Variants in ACAD11 observed in about 807,000 individuals in gnomAD.
ACAD11 encodes acyl-CoA dehydrogenase family member 11.
A neutral mutation model predicts 102.2 loss-of-function variants in ACAD11; 83 were observed. The ratio of observed to expected loss-of-function variants is 0.81; its 90% CI spans 0.68 to 0.97. The LOEUF (loss-of-function observed/expected upper bound fraction) is 0.97. ACAD11 is among the 50% of genes least tolerant of loss of function. ACAD11 has a pLI of 0.00. For synonymous variants in ACAD11, 324 were observed against 319.8 expected, an observed-to-expected ratio of 1.01 and a Z score of -0.14; for missense variants, 901 against 951.7, an observed-to-expected ratio of 0.95 and a Z score of 0.70.
At chr3:132,619,620 T>C (rs952105505) in intron 9 of ACAD11, 75 bp from the exon 10 acceptor site, 5 of 775,490 alleles carry the variant, frequency 6.4e-6, no homozygotes, top group African/African-American at 5.4e-5. Context: ...ACTGCTAATA[T>C]CTAAAATAAA....
chr3:132,631,375 TG>T lies in ACAD11; in HGVS notation c.806del (p.Pro269GlnfsTer2). On this transcript the variant is annotated frameshift_variant, in exon 6 of 20. Transcript: ENST00000264990. LOFTEE classifies it high-confidence loss of function. ...CACTATAAGAACCTTGATTTATCAT[TG>T]GAACTGTCCTTGGCCAAAAGTAGAA... ...SLFYFWPRTV[P>X]MINQGSYSEN... The T allele has an allele frequency of 6.5e-7, 1 of 1,528,740 alleles. No individual in the cohort carries two copies. Among genetic ancestry groups the T allele is most frequent in the Non-Finnish European group, 8.8e-7 (1 of 1,134,998 alleles). 94.7% of individuals were successfully genotyped at this position (1,528,740 alleles called of 1,614,324 possible).
chr3:132,618,476 C>T, intron 11 of ACAD11, 158 bp downstream of exon 11: 1 of 669,442 alleles, frequency 1.5e-6, no homozygotes, highest in Non-Finnish European at 2.3e-6. Flanking sequence ...AATTTCAAAT[C>T]CATTTCTTAT....
At chr3:132,616,503 C>T (rs1344041859) in intron 11 of ACAD11, among the ~76,000 whole-genome samples, 1 of 152,172 alleles carries the variant, frequency 6.6e-6, no homozygotes, top group Non-Finnish European at 1.5e-5. Context: ...AGATTAGACT[C>T]AGTGGAAAAT....
At chr3:132,565,577 C>CA (rs1419855980) in intron 17 of ACAD11, among the ~76,000 whole-genome samples, 2 of 152,080 alleles carry the variant, frequency 1.3e-5, no homozygotes, top group Non-Finnish European at 2.9e-5. Flanking sequence ...AAACCTGGAA[C>CA]AATTCAAAAT....
At chr3:132,621,561 A>C (rs574880797) in intron 9 of ACAD11, among the ~76,000 whole-genome samples, 5 of 152,334 alleles carry the variant, frequency 3.3e-5, no homozygotes, top group Admixed American at 3.3e-4. Flanking sequence ...ACAACAAAAA[A>C]GATAAACAAA....
intron 11 of ACAD11, among the ~76,000 whole-genome samples, chr3:132,614,561 ACAAG>A (rs1245149993): frequency 6.6e-6 from 1 of 152,234 alleles, no homozygotes. Flanking sequence ...CCTGACACAA[ACAAG>A]CAATGTGGGA....
intron 13 of ACAD11, among the ~76,000 whole-genome samples, chr3:132,589,478 A>G (rs546943281): frequency 1.4e-4 from 22 of 152,314 alleles, no homozygotes; most frequent in Non-Finnish European, 3.1e-4. Flanking sequence ...CAGAGCGTTC[A>G]CTTCTAATTT....
chr3:132,616,380 T>C (rs1939410399), intron 11 of ACAD11, among the ~76,000 whole-genome samples: 1 of 152,272 alleles, frequency 6.6e-6, no homozygotes, highest in African/African-American at 2.4e-5. Context: ...GCAAGAGAAG[T>C]CTTTGGTAGG....
intron 13 of ACAD11, among the ~76,000 whole-genome samples, chr3:132,591,450 G>C (rs1327284730): frequency 1.3e-5 from 2 of 152,116 alleles, no homozygotes; most frequent in African/African-American, 4.8e-5. Flanking sequence ...TTTCACTGAT[G>C]CTAGCTATCC....
chr3:132,581,312 C>G (rs1416736298), intron 13 of ACAD11, among the ~76,000 whole-genome samples: 1 of 151,922 alleles, frequency 6.6e-6, no homozygotes, highest in Non-Finnish European at 1.5e-5. Flanking sequence ...TGTAAGATCT[C>G]AGAGAATTTA....
chr3:132,659,622 G>T lies in ACAD11; in HGVS notation c.130C>A (p.Leu44Met), dbSNP rs1407420538. ...CCATACCTGTACTGGGCAATGGTCA[G>T]CGTAGCCTCACGTTCGGCCCCAAAG... ...SGFGAEREAT[L>M]TIAQYRAGKS... is the part of the protein sequence containing the mutation. Residue 44 changes from leucine (L) to methionine (M), a missense_variant, in exon 1 of 20, where the codon CTG (leucine) becomes ATG (methionine). By Grantham distance (15) the Leu-to-Met change is conservative. Transcript: ENST00000264990. 6.2e-7 allele frequency: 1 copy of T among 1,610,228 alleles called. No individual in the cohort carries two copies. Among genetic ancestry groups the T allele is most frequent in the African/African-American group, 1.3e-5 (1 of 74,642 alleles).
At position 132,575,888 on chromosome 3, in the gene ACAD11, C is replaced by T; in HGVS notation, c.1885G>A (p.Gly629Arg). The change falls in exon 17 of 20, where the codon GGA becomes AGA. Residue 629 changes from glycine (G) to arginine (R), a missense_variant. Gly to Arg is a moderately radical substitution (Grantham distance 125). Transcript: ENST00000264990. ...ATACAGTGGTGGATTCTGCCAGGTCCAAGGCGGCCTTGGGAAATTTCAAAT... is the reference window on the plus strand; with the variant it reads ...ATACAGTGGTGGATTCTGCCAGGTCTAAGGCGGCCTTGGGAAATTTCAAAT... Reference protein sequence around the residue: ...RGFEISQGRLGPGRIHHCMRT... With the variant: ...RGFEISQGRLRPGRIHHCMRT... 2 of 1,613,976 alleles carry T rather than the reference C, an allele frequency of 1.2e-6. No individual in the cohort carries two copies. Among genetic ancestry groups the T allele is most frequent in the Non-Finnish European group, 1.7e-6 (2 of 1,179,960 alleles).
chr3:132,636,773 T>C (rs1184567727), intron 5 of ACAD11, among the ~76,000 whole-genome samples: 1 of 152,168 alleles, frequency 6.6e-6, no homozygotes, highest in African/African-American at 2.4e-5. Context: ...ACAGGTGATA[T>C]TGTGTAGCGG....
chr3:132,631,024 T>C (rs112586964), intron 6 of ACAD11, among the ~76,000 whole-genome samples: 2 of 152,284 alleles, frequency 1.3e-5, no homozygotes, highest in Admixed American at 6.5e-5. Context: ...TGAGCTATGA[T>C]TGTGGCACTG....
intron 17 of ACAD11, among the ~76,000 whole-genome samples, chr3:132,564,958 C>G (rs1937168520): frequency 6.6e-6 from 1 of 152,136 alleles, no homozygotes; most frequent in African/African-American, 2.4e-5. Context: ...GCTGAAGAAT[C>G]TAGTAACCTG....
chr3:132,620,129 G>A (rs758274109), intron 9 of ACAD11, among the ~76,000 whole-genome samples: 2 of 152,126 alleles, frequency 1.3e-5, no homozygotes, highest in Non-Finnish European at 2.9e-5. Flanking sequence ...CTGCTTGATG[G>A]GTAAAACCTA....
Position 132,562,404 on chromosome 3 carries a change from C to G in ACAD11, c.2002-1187G>C, listed in dbSNP as rs117632729. 2.3e-3 allele frequency among the ~76,000 whole-genome samples: 347 copies of G among 152,278 alleles called. 6 individuals carry two copies. The East Asian group carries it at 0.024, about 10-fold the overall frequency. ...AGGCGTGAGCCATCGCGAGATTATT[C>G]ATAGAGTTTCTGTGTATTTGTATAC... On this transcript the variant is annotated intron_variant, in intron 17 of 19. Coordinates refer to ENST00000264990, the MANE Select transcript of ACAD11 (RefSeq NM_032169.5).
Position 132,626,614 on chromosome 3 carries a change from C to T in ACAD11, c.1197+77G>A. 5 of 1,534,752 alleles carry T rather than the reference C, an allele frequency of 3.3e-6. No individual in the cohort carries two copies. The East Asian group carries it at 9.0e-5, about 28-fold the overall frequency. On this transcript the variant is annotated intron_variant, in intron 9 of 19. Transcript: ENST00000264990. ...GACTAAAGAAAATGACACCATGCTT[C>T]TCCTATAAGCAGAAATAACAAAAGT...
At position 132,630,484 on chromosome 3, in the gene ACAD11, T is replaced by A; in HGVS notation, c.916A>T (p.Asn306Tyr). The change falls in exon 7 of 20, where the codon AAT becomes TAT. Residue 306 changes from asparagine to tyrosine, a missense_variant. Coordinates refer to ENST00000264990, the MANE Select transcript of ACAD11 (RefSeq NM_032169.5). ...RGINSILPNWNFFLALSYFKM... is the reference protein window; with the variant it reads ...RGINSILPNWYFFLALSYFKM... ...AAATATGAAAGGGCAAGAAAGAAAT[T>A]CCAGTTAGGAAGAATAGAATTAATT... The A allele has an allele frequency of 6.2e-7, 1 of 1,613,174 alleles. No homozygotes were observed. Among genetic ancestry groups the A allele is most frequent in the South Asian group, 1.1e-5 (1 of 90,936 alleles).
Sources: allele counts gnomAD v4.1 joint callset (sites outside exome capture counted in the v4.1 genomes callset), GRCh38; gene constraint gnomAD v4.1.1; transcripts MANE v1.5; gene names NCBI Gene and HGNC (gene_info 2026-07-23, HGNC 2026-07-21).